UVRAG: variants seen among roughly 807,000 people sequenced by gnomAD.
The protein encoded by UVRAG is UV radiation resistance associated.
UVRAG carries 19 observed loss-of-function variants against 78.0 expected under a neutral mutation model. The ratio of observed to expected loss-of-function variants is 0.24; its 90% CI spans 0.17 to 0.36. The LOEUF (loss-of-function observed/expected upper bound fraction) is 0.36. UVRAG is among the 10% of genes least tolerant of loss of function. The pLI is 1.00. For missense variants in UVRAG, 740 were observed against 853.8 expected (o/e 0.87, Z 1.66); for synonymous variants, 323 against 324.6 (o/e 1.00, Z 0.05).
chr11:76,028,512 C>G (rs1950373118), intron 12 of UVRAG, among the ~76,000 whole-genome samples: 1 of 152,082 alleles, frequency 6.6e-6, no homozygotes, highest in Non-Finnish European at 1.5e-5. Flanking sequence ...GTTGTAAATT[C>G]AAAGGAAAAG....
chr11:75,869,616 G>A (rs1946608480), intron 3 of UVRAG, among the ~76,000 whole-genome samples: 1 of 152,166 alleles, frequency 6.6e-6, no homozygotes, highest in Non-Finnish European at 1.5e-5. Flanking sequence ...GTAGTACCAG[G>A]GAAGAACAGG....
Position 75,839,145 on chromosome 11 carries a change from T to A in UVRAG, c.118-12738T>A, listed in dbSNP as rs1448548715. The A allele has an allele frequency of 2.0e-5, 3 of 152,218 alleles. No homozygotes were observed. The East Asian group carries it at 5.8e-4, about 29-fold the overall frequency. 9.4% of individuals were successfully genotyped at this position (152,218 alleles called of 1,614,324 possible). On this transcript the variant is annotated intron_variant, in intron 1 of 14. Coordinates refer to ENST00000356136, the MANE Select transcript of UVRAG (RefSeq NM_003369.4). ...CTATTTGTGTTTATTTTTCTGTGAA[T>A]TATCTGTTAATGTTCTTTGCCATTT...
chr11:75,877,726 G>A (rs1266338442), intron 3 of UVRAG, among the ~76,000 whole-genome samples: 7 of 139,298 alleles, frequency 5.0e-5, no homozygotes, highest in Non-Finnish European at 7.9e-5. Context: ...GCGGCTGGCC[G>A]GGCGGGGGGC....
intron 11 of UVRAG, among the ~76,000 whole-genome samples, chr11:76,012,052 G>A (rs1027580361): frequency 3.3e-5 from 5 of 152,146 alleles, no homozygotes; most frequent in African/African-American, 1.2e-4. Context: ...TGGGCATGGT[G>A]GCTCATGCCT....
chr11:75,894,799 T>C (rs1367906806), intron 5 of UVRAG, among the ~76,000 whole-genome samples: 4 of 102,974 alleles, frequency 3.9e-5, no homozygotes, highest in Admixed American at 1.2e-4. Flanking sequence ...CTCCCGTCTC[T>C]ACCAAAAAAA....
chr11:75,991,284 A>G (rs1949601409), intron 8 of UVRAG, among the ~76,000 whole-genome samples: 1 of 152,134 alleles, frequency 6.6e-6, no homozygotes, highest in Non-Finnish European at 1.5e-5. Flanking sequence ...AGTACCATCA[A>G]CTTTTACTGT....
intron 1 of UVRAG, among the ~76,000 whole-genome samples, chr11:75,830,074 A>G (rs1945620186): frequency 6.6e-6 from 1 of 151,930 alleles, no homozygotes; most frequent in Admixed American, 6.6e-5. Flanking sequence ...TCCTAACCTC[A>G]AGTGATCTGC....
chr11:75,894,104 C>T (rs1201439550), intron 5 of UVRAG, among the ~76,000 whole-genome samples: 1 of 152,162 alleles, frequency 6.6e-6, no homozygotes, highest in East Asian at 1.9e-4. Flanking sequence ...AATTTAATTT[C>T]TGACTGTAAG....
intron 13 of UVRAG, among the ~76,000 whole-genome samples, chr11:76,115,247 A>T (rs1201213633): frequency 2.0e-5 from 3 of 152,204 alleles, no homozygotes; most frequent in African/African-American, 7.2e-5. Flanking sequence ...GAAATAAATC[A>T]AACAAAGGGC....
At chr11:75,988,570 A>G (rs961289695) in intron 8 of UVRAG, among the ~76,000 whole-genome samples, 9 of 152,328 alleles carry the variant, frequency 5.9e-5, no homozygotes, top group African/African-American at 1.9e-4. Flanking sequence ...ATAGATATTC[A>G]AGTATAAGCC....
intron 8 of UVRAG, among the ~76,000 whole-genome samples, chr11:76,002,928 T>C (rs538051713): frequency 6.6e-5 from 10 of 152,088 alleles, no homozygotes; most frequent in African/African-American, 2.4e-4. Flanking sequence ...AATACAAAAA[T>C]TAGTTGGGCA....
intron 11 of UVRAG, among the ~76,000 whole-genome samples, chr11:76,012,409 A>T (rs1950066791): frequency 6.6e-6 from 1 of 152,124 alleles, no homozygotes; most frequent in African/African-American, 2.4e-5. Flanking sequence ...ACCTAAGGTT[A>T]TTCCTGGTCT....
At chr11:75,989,905 A>G (rs1383528318) in intron 8 of UVRAG, among the ~76,000 whole-genome samples, 1 of 152,226 alleles carries the variant, frequency 6.6e-6, no homozygotes, top group Admixed American at 6.5e-5. Flanking sequence ...GCTTTCATAT[A>G]GGTAATGTAC....
intron 12 of UVRAG, among the ~76,000 whole-genome samples, chr11:76,056,977 CAG>C (rs1950997035): frequency 6.6e-6 from 1 of 152,156 alleles, no homozygotes. Flanking sequence ...ACTTAAAAAA[CAG>C]AGAATAGCAA....
chr11:75,949,591 C>A (rs565239836), intron 6 of UVRAG, among the ~76,000 whole-genome samples: 3 of 151,958 alleles, frequency 2.0e-5, no homozygotes, highest in African/African-American at 7.2e-5. Flanking sequence ...TGTTCTACAT[C>A]GCAGTAAATA....
At chr11:76,124,389 A>G (rs774209811) in intron 14 of UVRAG, among the ~76,000 whole-genome samples, 25 of 152,228 alleles carry the variant, frequency 1.6e-4, no homozygotes, top group Non-Finnish European at 3.4e-4. Context: ...TTTGAAGGAC[A>G]TGACTTGCAG....
intron 12 of UVRAG, among the ~76,000 whole-genome samples, chr11:76,035,937 A>G (rs1327442424): frequency 6.6e-6 from 1 of 152,166 alleles, no homozygotes; most frequent in Non-Finnish European, 1.5e-5. Flanking sequence ...ACATTGCAAG[A>G]TTCATTAGGT....
At chr11:75,896,820 G>A (rs368247293) in intron 5 of UVRAG, among the ~76,000 whole-genome samples, 3 of 152,184 alleles carry the variant, frequency 2.0e-5, no homozygotes, top group Middle Eastern at 3.4e-3. Flanking sequence ...AACTCATATT[G>A]GCATAATTAC....
intron 14 of UVRAG, among the ~76,000 whole-genome samples, chr11:76,135,118 C>T (rs1409305320): frequency 6.6e-6 from 1 of 152,124 alleles, no homozygotes; most frequent in African/African-American, 2.4e-5. Flanking sequence ...ACCCCCAAAT[C>T]CATAGGAAAA....
Sources: allele counts gnomAD v4.1 joint callset (sites outside exome capture counted in the v4.1 genomes callset), GRCh38; gene constraint gnomAD v4.1.1; transcripts MANE v1.5; gene names NCBI Gene and HGNC (gene_info 2026-07-23, HGNC 2026-07-21).